PTPRN2: variants seen among roughly 807,000 people sequenced by gnomAD.
PTPRN2 encodes protein tyrosine phosphatase receptor type N2.
Under a neutral mutation model 118.8 loss-of-function variants are expected in PTPRN2, and 74 were observed. That is an observed-to-expected ratio of 0.62 (90% CI 0.52 to 0.76). The LOEUF (loss-of-function observed/expected upper bound fraction) is 0.76. PTPRN2 is among the 30% of genes least tolerant of loss of function. PTPRN2 has a pLI of 0.00. For synonymous variants in PTPRN2, 641 were observed against 608.0 expected (o/e 1.05, Z -0.80); for missense variants, 1,481 against 1,394.4 (o/e 1.06, Z -0.99).
chr7:158,425,963 A>G (rs62479980), intron 2 of PTPRN2, among the ~76,000 whole-genome samples: 376 of 56,884 alleles, frequency 6.6e-3, no homozygotes, highest in East Asian at 0.013. Context: ...AAAGACGCAG[A>G]GTCCGAGACC....
At chr7:158,357,623 G>A (rs1258491815) in intron 2 of PTPRN2, among the ~76,000 whole-genome samples, 1 of 152,230 alleles carries the variant, frequency 6.6e-6, no homozygotes, top group Non-Finnish European at 1.5e-5. Flanking sequence ...AAAAGCGGCA[G>A]GAGAGGAGGA....
intron 12 of PTPRN2, among the ~76,000 whole-genome samples, chr7:157,866,608 G>A (rs928447733): frequency 6.6e-6 from 1 of 152,060 alleles, no homozygotes; most frequent in Non-Finnish European, 1.5e-5. Flanking sequence ...TGAGGCTGGT[G>A]TGCATTCTCC....
intron 11 of PTPRN2, among the ~76,000 whole-genome samples, chr7:158,058,530 A>G (rs1554523818): frequency 2.8e-5 from 2 of 71,768 alleles, no homozygotes; most frequent in East Asian, 4.4e-4. Context: ...CTGCAGCCAC[A>G]CTCCATCTGC....
chr7:157,760,318 T>C (rs967841769), intron 12 of PTPRN2, among the ~76,000 whole-genome samples: 1 of 151,546 alleles, frequency 6.6e-6, no homozygotes, highest in African/African-American at 2.4e-5. Context: ...CGATTTGTGC[T>C]TTGCAGAGAA....
rs1803514507 is a variant in PTPRN2 at position 157,779,008 on chromosome 7, CAGAGCT to C, written c.1789-96077_1789-96072del. ...CTGGAAACGGGCCACAGCGCTCAAGCAGAGCTCCGCTCACAGCCAGGTGGCCGTGTT... is the reference window on the plus strand; with the variant it reads ...CTGGAAACGGGCCACAGCGCTCAAGCCCGCTCACAGCCAGGTGGCCGTGTT... On this transcript the variant is annotated intron_variant, in intron 12 of 22. Coordinates refer to ENST00000389418, the MANE Select transcript of PTPRN2 (RefSeq NM_002847.5). This position sits in a 1 kb window ranked among gnomAD's most constrained non-coding sequence, Gnocchi z 4.7. Among the ~76,000 whole-genome samples, 1 of 152,244 alleles carries C rather than the reference CAGAGCT, an allele frequency of 6.6e-6. No homozygotes were observed. Among genetic ancestry groups the C allele is most frequent in the South Asian group, 2.1e-4 (1 of 4,834 alleles).
chr7:157,832,429 C>T (rs1249706819), intron 12 of PTPRN2, among the ~76,000 whole-genome samples: 1 of 152,094 alleles, frequency 6.6e-6, no homozygotes, highest in Non-Finnish European at 1.5e-5. Context: ...TTTAAACATA[C>T]ATTTGGGAAG....
chr7:157,822,768 A>T (rs150888425), intron 12 of PTPRN2, among the ~76,000 whole-genome samples: 2 of 151,394 alleles, frequency 1.3e-5, no homozygotes, highest in East Asian at 4.0e-4. Context: ...GCGTACATGC[A>T]TCCATCCTTC....
chr7:158,210,824 A>C (rs1374892603), intron 3 of PTPRN2, among the ~76,000 whole-genome samples: 2 of 152,196 alleles, frequency 1.3e-5, no homozygotes, highest in Non-Finnish European at 2.9e-5. Flanking sequence ...AGCTGTAATA[A>C]AGTCTCCAAG....
At chr7:158,315,917 C>T (rs995042838) in intron 3 of PTPRN2, among the ~76,000 whole-genome samples, 2 of 152,206 alleles carry the variant, frequency 1.3e-5, no homozygotes, top group Admixed American at 6.5e-5. Context: ...CTTTCCCCAG[C>T]CACCCTGCCG....
chr7:158,144,968 G>T (rs976396652), intron 6 of PTPRN2, among the ~76,000 whole-genome samples: 1 of 141,096 alleles, frequency 7.1e-6, no homozygotes, highest in Non-Finnish European at 1.6e-5. Context: ...TCACATCATC[G>T]CAAGAAGGTT....
intron 12 of PTPRN2, among the ~76,000 whole-genome samples, chr7:157,846,798 G>A (rs996747335): frequency 6.7e-5 from 10 of 149,918 alleles, no homozygotes; most frequent in Admixed American, 3.3e-4. Context: ...ATGCGTGCCC[G>A]ATATCTACAG....
intron 12 of PTPRN2, among the ~76,000 whole-genome samples, chr7:157,714,664 T>G (rs1408708629): frequency 6.6e-6 from 1 of 152,218 alleles, no homozygotes; most frequent in Non-Finnish European, 1.5e-5. Flanking sequence ...CAAAAGGCCC[T>G]GAAGTCAGGG....
At chr7:158,355,813 A>G (rs1266979902) in intron 2 of PTPRN2, among the ~76,000 whole-genome samples, 1 of 152,158 alleles carries the variant, frequency 6.6e-6, no homozygotes, top group Non-Finnish European at 1.5e-5. Flanking sequence ...GTGAACCCCA[A>G]GATGATGGGG....
chr7:158,171,038 CACATACATATATATACACATATAT>C (rs1563554160), intron 5 of PTPRN2, among the ~76,000 whole-genome samples: 25 of 139,058 alleles, frequency 1.8e-4, no homozygotes, highest in Admixed American at 8.5e-4. Flanking sequence ...CATATATATA[CACATACATATATATACACATATAT>C]ACACATTATA....
At chr7:158,468,388 C>G (rs1381142366) in intron 2 of PTPRN2, among the ~76,000 whole-genome samples, 3 of 152,194 alleles carry the variant, frequency 2.0e-5, no homozygotes, top group African/African-American at 7.2e-5. Context: ...TCGTCTTGCC[C>G]AGAGATCCTC....
intron 13 of PTPRN2, among the ~76,000 whole-genome samples, chr7:157,681,599 C>A (rs1249230755): frequency 6.6e-6 from 1 of 152,180 alleles, no homozygotes; most frequent in African/African-American, 2.4e-5. Context: ...TGGTCAATCT[C>A]TTTTAAGCAT....
chr7:158,258,858 C>T (rs962774781), intron 3 of PTPRN2, among the ~76,000 whole-genome samples: 2 of 152,190 alleles, frequency 1.3e-5, no homozygotes, highest in African/African-American at 4.8e-5. Context: ...AAGTCTCCTG[C>T]AGCCACGCGA....
chr7:157,853,275 C>T (rs1339190120), intron 12 of PTPRN2, among the ~76,000 whole-genome samples: 1 of 152,162 alleles, frequency 6.6e-6, no homozygotes, highest in Admixed American at 6.5e-5. Context: ...ACGGCCGAGC[C>T]GGGCCTGCAA....
chr7:158,070,324 TCGTGGTGTGGAGGTGCC>T (rs1563386199), intron 11 of PTPRN2, among the ~76,000 whole-genome samples: 10 of 130,980 alleles, frequency 7.6e-5, no homozygotes, highest in South Asian at 2.7e-4. Context: ...GTGGAGGTGC[TCGTGGTGTGGAGGTGCC>T]CGTGGTGGTG....
Sources: gnomAD v4.1 joint callset for allele counts (sites outside exome capture counted in the v4.1 genomes callset) on GRCh38, gnomAD v4.1.1 for gene constraint, Gnocchi (gnomAD v3.1) non-coding constraint, MANE v1.5 for transcripts, NCBI Gene and HGNC (gene_info 2026-07-23, HGNC 2026-07-21) for gene names.